The following COL6A6 variants were observed in gnomAD, a reference collection of about 807,000 sequenced individuals.
The protein encoded by COL6A6 is collagen type VI alpha 6 chain, also known as collagen alpha-6(VI) chain.
In COL6A6, 183 loss-of-function variants were observed where a neutral mutation model predicts 208.6. The ratio of observed to expected loss-of-function variants is 0.88; its 90% CI spans 0.78 to 0.99. The LOEUF (loss-of-function observed/expected upper bound fraction) is 0.99. Ranked by LOEUF, COL6A6 falls within the 50% of genes least tolerant of loss-of-function variation. The pLI is 0.00. For missense variants in COL6A6, 2,816 were observed against 2,815.2 expected (o/e 1.00, Z -0.01); for synonymous variants, 973 against 1,011.8 (o/e 0.96, Z 0.73).
chr3:130,558,042 G>A (rs1260758933), intron 1 of COL6A6, among the ~76,000 whole-genome samples: 1 of 152,084 alleles, frequency 6.6e-6, no homozygotes, highest in Non-Finnish European at 1.5e-5. Flanking sequence ...ATAATGAGAG[G>A]CAATTAATCT....
intron 1 of COL6A6, among the ~76,000 whole-genome samples, chr3:130,543,013 C>T (rs2062408771): frequency 6.7e-6 from 1 of 149,564 alleles, no homozygotes; most frequent in Non-Finnish European, 1.5e-5. Context: ...TCAAGGGATT[C>T]TTCTGCCTCA....
intron 1 of COL6A6, among the ~76,000 whole-genome samples, chr3:130,529,017 G>T (rs2062023019): frequency 6.6e-6 from 1 of 152,086 alleles, no homozygotes; most frequent in African/African-American, 2.4e-5. Flanking sequence ...GTGAACCCGG[G>T]AGCTGGAGCT....
chr3:130,657,398 GTTC>G (rs1270529230), intron 33 of COL6A6, among the ~76,000 whole-genome samples: 1 of 152,240 alleles, frequency 6.6e-6, no homozygotes, highest in African/African-American at 2.4e-5. Context: ...TCAGAGAGCT[GTTC>G]TTCACAATGT....
chr3:130,590,284 TA>T (rs2063654923), intron 12 of COL6A6, among the ~76,000 whole-genome samples: 15 of 23,890 alleles, frequency 6.3e-4, no homozygotes, highest in East Asian at 1.1e-3. Context: ...TATATATATA[TA>T]TATATATATA....
intron 3 of COL6A6, 83 bp downstream of exon 3, chr3:130,563,747 T>G: frequency 1.1e-6 from 1 of 926,512 alleles, no homozygotes; most frequent in South Asian, 1.7e-5. Context: ...ATTCTATGAA[T>G]ATTCCTATCC....
In COL6A6 at chr3:130,571,175, AT is replaced by A. The variant is rs1246800495; in HGVS notation, c.2760del (p.Asp920GlufsTer38). 1 of 1,613,558 alleles carries A rather than the reference AT, an allele frequency of 6.2e-7. No homozygotes were observed. Among genetic ancestry groups the A allele is most frequent in the South Asian group, 1.1e-5 (1 of 90,980 alleles). ...CCCCAAGTCCTCATTGTGATCACCG[AT>A]GGGGAATCCCATGATGCTGATAAAC... is the stretch of plus-strand genomic sequence containing the variant. ...GVPQVLIVIT[D>X]GESHDADKLN... On this transcript the variant is annotated frameshift_variant, in exon 7 of 37. Transcript: ENST00000358511. LOFTEE classifies it high-confidence loss of function.
chr3:130,522,221 T>C (rs1311920608), intron 1 of COL6A6, among the ~76,000 whole-genome samples: 1 of 152,052 alleles, frequency 6.6e-6, no homozygotes, highest in Non-Finnish European at 1.5e-5. Flanking sequence ...TACTGTTTCA[T>C]TGGTGTCTTG....
At chr3:130,596,321 T>C (rs2063850191) in intron 18 of COL6A6, among the ~76,000 whole-genome samples, 1 of 152,192 alleles carries the variant, frequency 6.6e-6, no homozygotes. Flanking sequence ...CAAAAATTCA[T>C]TTGGGGCATT....
In COL6A6 at chr3:130,635,687, A is replaced by T. The variant is rs1408807225; in HGVS notation, c.5029-12A>T. On this transcript the variant is annotated splice_polypyrimidine_tract_variant and intron_variant, in intron 27 of 36. Transcript: ENST00000358511. ...ATTTTAATAACTATTTTACTTTAATAAATGTATTTAGGGTGAGATTGGGGA... is the reference window on the plus strand; with the variant it reads ...ATTTTAATAACTATTTTACTTTAATTAATGTATTTAGGGTGAGATTGGGGA... 1.9e-6 allele frequency: 3 copies of T among 1,581,218 alleles called. No individual in the cohort carries two copies. The highest frequency in any genetic ancestry group is 2.7e-5 in the African/African-American group (2 of 74,028).
intron 1 of COL6A6, among the ~76,000 whole-genome samples, chr3:130,550,365 C>T (rs2062614130): frequency 6.6e-6 from 1 of 152,098 alleles, no homozygotes; most frequent in South Asian, 2.1e-4. Flanking sequence ...TGAGAGAGAC[C>T]ATCCTTGTTT....
intron 3 of COL6A6, 43 bp from the exon 4 acceptor site, chr3:130,564,950 GA>G: frequency 6.3e-7 from 1 of 1,589,760 alleles, no homozygotes; most frequent in Non-Finnish European, 8.6e-7. Flanking sequence ...CAAAGATGCT[GA>G]ACCACCAGCT....
chr3:130,577,339 T>C (rs1345107612), intron 8 of COL6A6, among the ~76,000 whole-genome samples: 11 of 152,218 alleles, frequency 7.2e-5, no homozygotes, highest in Non-Finnish European at 1.5e-5. Context: ...CATCCCTGAC[T>C]TTTTTGTTAA....
chr3:130,600,833 C>A (rs1314553042), intron 20 of COL6A6, among the ~76,000 whole-genome samples: 1 of 151,834 alleles, frequency 6.6e-6, no homozygotes, highest in Non-Finnish European at 1.5e-5. Flanking sequence ...ATGTAACAAA[C>A]CTACATGTTC....
Position 130,563,187 on chromosome 3 carries a change from G to T in COL6A6, c.184G>T (p.Asp62Tyr). 1 of 1,613,968 alleles carries T rather than the reference G, an allele frequency of 6.2e-7. No individual in the cohort carries two copies. Among genetic ancestry groups the T allele is most frequent in the African/African-American group, 1.3e-5 (1 of 75,014 alleles). ...KMISSLPIEA[D>Y]KYRVALAQYS... is the part of the protein sequence containing the mutation. ...GATCAGCAGTCTCCCCATAGAGGCC[G>T]ACAAATACCGTGTGGCCCTGGCCCA... The change falls in exon 3 of 37, where the codon GAC becomes TAC. Residue 62 changes from aspartate to tyrosine, a missense_variant. Coordinates refer to ENST00000358511, the MANE Select transcript of COL6A6 (RefSeq NM_001102608.3).
At chr3:130,529,538 G>A (rs2062035585) in intron 1 of COL6A6, among the ~76,000 whole-genome samples, 1 of 152,128 alleles carries the variant, frequency 6.6e-6, no homozygotes, top group Admixed American at 6.5e-5. Context: ...AAGCTCTTCT[G>A]TCCCCTCTGG....
At chr3:130,596,230 C>A (rs942817134) in intron 18 of COL6A6, among the ~76,000 whole-genome samples, 2 of 152,098 alleles carry the variant, frequency 1.3e-5, no homozygotes, top group Admixed American at 6.5e-5. Context: ...AATTTAGAAC[C>A]AAAGAACTAT....
chr3:130,525,628 G>A (rs1219286491), intron 1 of COL6A6, among the ~76,000 whole-genome samples: 2 of 151,962 alleles, frequency 1.3e-5, no homozygotes, highest in South Asian at 2.1e-4. Flanking sequence ...TGTCGATCTC[G>A]GGAAAAAGAC....
At chr3:130,523,539 C>T (rs1449252246) in intron 1 of COL6A6, among the ~76,000 whole-genome samples, 1 of 152,182 alleles carries the variant, frequency 6.6e-6, no homozygotes, top group Non-Finnish European at 1.5e-5. Flanking sequence ...AATATTCAAG[C>T]ACAGGGTGAT....
At chr3:130,544,562 G>C (rs982771912) in intron 1 of COL6A6, among the ~76,000 whole-genome samples, 3 of 152,182 alleles carry the variant, frequency 2.0e-5, no homozygotes, top group Non-Finnish European at 2.9e-5. Flanking sequence ...GGGATGCAGG[G>C]ATTGCAGGGT....
Sources: allele counts gnomAD v4.1 joint callset (sites outside exome capture counted in the v4.1 genomes callset), GRCh38; gene constraint gnomAD v4.1.1; transcripts MANE v1.5; gene names NCBI Gene and HGNC (gene_info 2026-07-23, HGNC 2026-07-21).